FCF1: variants seen among roughly 807,000 people sequenced by gnomAD.
The protein encoded by FCF1 is rRNA-processing protein FCF1 homolog.
Under a neutral mutation model 32.5 loss-of-function variants are expected in FCF1, and 17 were observed. The ratio of observed to expected loss-of-function variants is 0.52; its 90% CI spans 0.36 to 0.78. FCF1 has a LOEUF of 0.78. Ranked by LOEUF, FCF1 falls within the 30% of genes least tolerant of loss-of-function variation. The pLI, the probability that FCF1 is intolerant of heterozygous loss-of-function variation, is 0.00. For missense variants in FCF1, 201 were observed against 241.1 expected (o/e 0.83, Z 1.10); for synonymous variants, 84 against 78.4 (o/e 1.07, Z -0.38).
chr14:74,732,760 T>C lies in FCF1; in HGVS notation c.395T>C (p.Leu132Ser), dbSNP rs1388466655. 6.2e-7 allele frequency: 1 copy of C among 1,612,740 alleles called. No homozygotes were observed. Among genetic ancestry groups the C allele is most frequent in the Non-Finnish European group, 8.5e-7 (1 of 1,179,172 alleles). ...RIAKDPRFERLPCTHKGTYAD... is the reference protein window; with the variant it reads ...RIAKDPRFERSPCTHKGTYAD... ...GCCAAGGATCCAAGATTTGAACGAT[T>C]ACCATGTACACACAAAGGAACCTAT... is the stretch of plus-strand genomic sequence containing the variant. The change falls in exon 6 of 8, where the codon TTA becomes TCA. Residue 132 changes from leucine to serine, a missense_variant. Leu to Ser is a moderately radical substitution (Grantham distance 145, BLOSUM62 -2). This residue lies in a region of FCF1 where 121 missense variants were observed against 147.8 expected (regional missense o/e 0.82). Transcript: ENST00000341162.
Position 74,716,089 on chromosome 14 carries a change from G to A in FCF1, c.282G>A (p.Leu94=), listed in dbSNP as rs2090415214. The stretch of plus-strand genomic sequence containing the variant: ...TAGTGCAGTCAATGATGGACTGTCT[G>A]TATGCCAAGTGTGAGTATCATACTT... ...LDLVQSMMDC[L]YAKCIPCITD... The change falls in exon 4 of 8, where the codon CTG becomes CTA. Residue 94 remains leucine (L), a synonymous_variant. Coordinates refer to ENST00000341162, the MANE Select transcript of FCF1 (RefSeq NM_015962.5). 2 of 1,613,560 alleles carry A rather than the reference G, an allele frequency of 1.2e-6. No homozygotes were observed. Among genetic ancestry groups the A allele is most frequent in the Non-Finnish European group, 1.7e-6 (2 of 1,179,680 alleles).
At chr14:74,726,469 C>G (rs1027258793) in intron 5 of FCF1, among the ~76,000 whole-genome samples, 1 of 149,486 alleles carries the variant, frequency 6.7e-6, no homozygotes, top group African/African-American at 2.5e-5. Context: ...GACCCTGTCT[C>G]AAAAAAAAAG....
intron 5 of FCF1, among the ~76,000 whole-genome samples, chr14:74,728,962 A>G (rs2090603100): frequency 6.6e-6 from 1 of 152,144 alleles, no homozygotes; most frequent in East Asian, 1.9e-4. Flanking sequence ...CCACTTGATC[A>G]TGGTGGATAA....
chr14:74,719,098 C>G (rs2090461828), intron 4 of FCF1, among the ~76,000 whole-genome samples: 2 of 146,476 alleles, frequency 1.4e-5, no homozygotes, highest in African/African-American at 5.1e-5. Context: ...CCACTGCACT[C>G]CAGCCTGGGT....
intron 5 of FCF1, among the ~76,000 whole-genome samples, chr14:74,726,973 A>G (rs921350779): frequency 2.0e-5 from 3 of 151,970 alleles, no homozygotes; most frequent in African/African-American, 4.8e-5. Flanking sequence ...TCCATGGTGT[A>G]TATGTGCCAC....
At chr14:74,722,135 A>G (rs2090512774) in intron 4 of FCF1, among the ~76,000 whole-genome samples, 1 of 141,840 alleles carries the variant, frequency 7.1e-6, no homozygotes, top group Admixed American at 7.9e-5. Context: ...TGCAACCTCC[A>G]TCTGCTGGGT....
chr14:74,723,996 A>G (rs1179022991), intron 5 of FCF1, among the ~76,000 whole-genome samples: 4 of 152,228 alleles, frequency 2.6e-5, no homozygotes, highest in Non-Finnish European at 2.9e-5. Context: ...TAATTCTTAA[A>G]TTCACAGTGA....
intron 5 of FCF1, among the ~76,000 whole-genome samples, chr14:74,731,839 T>C (rs1208651018): frequency 6.6e-6 from 1 of 152,224 alleles, no homozygotes; most frequent in Non-Finnish European, 1.5e-5. Context: ...CTTGTATTTT[T>C]CTTCATTTCA....
intron 5 of FCF1, among the ~76,000 whole-genome samples, chr14:74,728,916 A>C (rs4899534): frequency 6.6e-6 from 1 of 151,550 alleles, no homozygotes; most frequent in Non-Finnish European, 1.5e-5. Flanking sequence ...ATTGATTTGC[A>C]TATATTGAAC....
chr14:74,725,021 G>C (rs2090557067), intron 5 of FCF1, among the ~76,000 whole-genome samples: 1 of 151,846 alleles, frequency 6.6e-6, no homozygotes, highest in South Asian at 2.1e-4. Flanking sequence ...TGGTATATGT[G>C]TGCATACTGT....
rs752484405 is a variant in FCF1, at chr14:74,734,067, C to G, written c.454-9C>G. The G allele has an allele frequency of 6.2e-7, 1 of 1,602,094 alleles. No homozygotes were observed. The highest frequency in any genetic ancestry group is 1.3e-5 in the African/African-American group (1 of 74,682). On this transcript the variant is annotated splice_polypyrimidine_tract_variant and intron_variant, in intron 6 of 7. Coordinates refer to ENST00000341162, the MANE Select transcript of FCF1 (RefSeq NM_015962.5). ...CCTCAGTGTGAACATCACTCCATGT[C>G]TCTTACAGCATAAGTGTTACATTGT...
chr14:74,716,218 A>G, intron 4 of FCF1, 119 bp downstream of exon 4: 1 of 952,748 alleles, frequency 1.0e-6, no homozygotes, highest in African/African-American at 1.6e-5. Context: ...TTTAATTTAC[A>G]GTGGTCACCA....
At chr14:74,721,269 A>C (rs1351150926) in intron 4 of FCF1, among the ~76,000 whole-genome samples, 1 of 149,178 alleles carries the variant, frequency 6.7e-6, no homozygotes, top group Non-Finnish European at 1.5e-5. Flanking sequence ...CTGGTCTTGA[A>C]CTCCTGACCT....
intron 4 of FCF1, among the ~76,000 whole-genome samples, chr14:74,717,737 C>T (rs778267959): frequency 2.0e-5 from 3 of 152,164 alleles, no homozygotes; most frequent in East Asian, 1.9e-4. Context: ...ATCAATGAAA[C>T]GGATAGAGGG....
chr14:74,714,924 G>A lies in FCF1; in HGVS notation c.124G>A (p.Ala42Thr), dbSNP rs147067928. 1,445 of 1,596,932 alleles carry A rather than the reference G, an allele frequency of 9.0e-4. 3 individuals carry two copies. Among genetic ancestry groups the A allele is most frequent in the Admixed American group, 1.3e-3 (73 of 55,590 alleles). ...PKKKEKKDPS[A>T]LKEREVPQHP... ...AAAGAAAGAAAAGAAGGATCCCAGC[G>A]CATTAAAGGAAAGAGAAGTGTGAGT... is the stretch of plus-strand genomic sequence containing the variant. Residue 42 changes from alanine to threonine, a missense_variant, in exon 3 of 8, where the codon GCA becomes ACA. Around this residue, in one of 3 missense-constraint regions of FCF1, gnomAD observed 76 missense variants for 75.0 expected, o/e 1.01. Coordinates refer to ENST00000341162, the MANE Select transcript of FCF1 (RefSeq NM_015962.5).
chr14:74,726,959 G>T (rs1426709617), intron 5 of FCF1, among the ~76,000 whole-genome samples: 2 of 151,972 alleles, frequency 1.3e-5, no homozygotes, highest in African/African-American at 4.8e-5. Flanking sequence ...TGGCTGCATA[G>T]TATTCCATGG....
intron 4 of FCF1, among the ~76,000 whole-genome samples, chr14:74,719,535 T>C (rs2090472168): frequency 6.6e-6 from 1 of 151,798 alleles, no homozygotes; most frequent in African/African-American, 2.4e-5. Context: ...CCAAGGTGGG[T>C]GGATTGCTTG....
At chr14:74,727,601 C>A (rs1272513453) in intron 5 of FCF1, among the ~76,000 whole-genome samples, 1 of 151,322 alleles carries the variant, frequency 6.6e-6, no homozygotes, top group Non-Finnish European at 1.5e-5. Context: ...TGCAGAAGCT[C>A]TTGAGTTTAA....
intron 7 of FCF1, 94 bp from the exon 8 acceptor site, chr14:74,734,788 T>G: frequency 1.1e-6 from 1 of 932,282 alleles, no homozygotes; most frequent in Non-Finnish European, 1.7e-6. Context: ...GGATTCACAG[T>G]GGGGGTGAGA....
Sources: gnomAD v4.1 joint callset for allele counts (sites outside exome capture counted in the v4.1 genomes callset) on GRCh38, gnomAD v4.1.1 for gene constraint, gnomAD v4.1.1 regional missense constraint, MANE v1.5 for transcripts, NCBI Gene and HGNC (gene_info 2026-07-23, HGNC 2026-07-21) for gene names.